The following DLGAP2 variants were observed in gnomAD, a reference collection of about 807,000 sequenced individuals.
DLGAP2 encodes the protein disks large-associated protein 2.
In DLGAP2, 26 loss-of-function variants were observed where a neutral mutation model predicts 100.3. The ratio of observed to expected loss-of-function variants is 0.26; its 90% CI spans 0.19 to 0.36. The LOEUF (loss-of-function observed/expected upper bound fraction) is 0.36. Among genes scored for constraint, DLGAP2 ranks in the 10% least tolerant of loss-of-function variants. The pLI is 1.00. For synonymous variants in DLGAP2, 886 were observed against 630.1 expected (o/e 1.41, Z -6.08); for missense variants, 1,858 against 1,453.2 (o/e 1.28, Z -4.53).
intron 3 of DLGAP2, among the ~76,000 whole-genome samples, chr8:1,313,428 G>T (rs1800657632): frequency 6.6e-6 from 1 of 152,168 alleles, no homozygotes; most frequent in African/African-American, 2.4e-5. Context: ...GTGCCGTTCA[G>T]CTATGCTCTC....
At chr8:1,281,661 G>A (rs890752752) in intron 3 of DLGAP2, among the ~76,000 whole-genome samples, 3 of 152,150 alleles carry the variant, frequency 2.0e-5, no homozygotes, top group Non-Finnish European at 4.4e-5. Flanking sequence ...TACAGCACCA[G>A]TGTTTTTCAT....
intron 3 of DLGAP2, among the ~76,000 whole-genome samples, chr8:1,411,359 A>C (rs114025637): frequency 0.017 from 2,603 of 152,344 alleles, 63 homozygotes; most frequent in African/African-American, 0.059. Context: ...AGGGAATTAT[A>C]ATGTTGATAC....
chr8:1,245,017 G>C (rs1798874769), intron 2 of DLGAP2, among the ~76,000 whole-genome samples: 1 of 152,216 alleles, frequency 6.6e-6, no homozygotes. Context: ...TGACCAGCCA[G>C]GAAATGCAAA....
chr8:1,094,718 C>G (rs941248231), intron 2 of DLGAP2, among the ~76,000 whole-genome samples: 1 of 152,198 alleles, frequency 6.6e-6, no homozygotes, highest in Non-Finnish European at 1.5e-5. Context: ...AGTGGCTGGA[C>G]AAGCTCCGTG....
chr8:1,515,380 A>G (rs1487157015), intron 4 of DLGAP2, among the ~76,000 whole-genome samples: 1 of 152,244 alleles, frequency 6.6e-6, no homozygotes, highest in East Asian at 1.9e-4. Flanking sequence ...ATACACATGC[A>G]CATACATGAA....
chr8:1,165,181 G>A (rs1247571213), intron 2 of DLGAP2, among the ~76,000 whole-genome samples: 11 of 150,032 alleles, frequency 7.3e-5, no homozygotes, highest in East Asian at 2.0e-4. Context: ...AGAGAGGGAG[G>A]GTGGGAGGGA....
chr8:1,533,303 C>A (rs889135671), intron 4 of DLGAP2, among the ~76,000 whole-genome samples: 4 of 151,986 alleles, frequency 2.6e-5, no homozygotes, highest in African/African-American at 9.7e-5. Context: ...TCAAGATCAT[C>A]CTGGCTAACA....
chr8:857,126 G>A (rs1037148248), intron 1 of DLGAP2, among the ~76,000 whole-genome samples: 1 of 152,210 alleles, frequency 6.6e-6, no homozygotes, highest in Non-Finnish European at 1.5e-5. Context: ...GAGAGAGGAT[G>A]CTCTTATCAA....
intron 2 of DLGAP2, among the ~76,000 whole-genome samples, chr8:932,509 A>T (rs1475982660): frequency 6.6e-6 from 1 of 152,256 alleles, no homozygotes; most frequent in Non-Finnish European, 1.5e-5. Context: ...GAGTGGAACA[A>T]TTGGCAAAAT....
chr8:1,280,459 C>T (rs757261825), intron 3 of DLGAP2, among the ~76,000 whole-genome samples: 2 of 152,154 alleles, frequency 1.3e-5, no homozygotes, highest in South Asian at 4.2e-4. Context: ...ATGCCACTAG[C>T]GTTTTTAAAC....
At chr8:788,663 C>T (rs6993029) in intron 1 of DLGAP2, among the ~76,000 whole-genome samples, 18 of 152,286 alleles carry the variant, frequency 1.2e-4, no homozygotes, top group African/African-American at 4.3e-4. Context: ...AAGCCCAGAG[C>T]GGGCAGAAGT....
At chr8:1,145,619 T>G (rs1364866600) in intron 2 of DLGAP2, among the ~76,000 whole-genome samples, 1 of 152,178 alleles carries the variant, frequency 6.6e-6, no homozygotes, top group Non-Finnish European at 1.5e-5. Flanking sequence ...GATGTATTCT[T>G]TTTTTTATTA....
chr8:997,625 A>C (rs1800817918), intron 2 of DLGAP2, among the ~76,000 whole-genome samples: 1 of 152,232 alleles, frequency 6.6e-6, no homozygotes, highest in South Asian at 2.1e-4. Context: ...AATTGACTTG[A>C]AAAATGGAAC....
chr8:1,620,933 T>G (rs1417687897), intron 6 of DLGAP2, among the ~76,000 whole-genome samples: 3 of 152,182 alleles, frequency 2.0e-5, no homozygotes. Flanking sequence ...CAGAATGCCT[T>G]TCCCCCTTTA....
chr8:1,524,385 A>T (rs911428318), intron 4 of DLGAP2, among the ~76,000 whole-genome samples: 1 of 152,174 alleles, frequency 6.6e-6, no homozygotes, highest in Non-Finnish European at 1.5e-5. Flanking sequence ...TGTGAGTCAC[A>T]TTTAGCGTTG....
At chr8:1,194,217 C>T (rs970746304) in intron 2 of DLGAP2, among the ~76,000 whole-genome samples, 1 of 152,212 alleles carries the variant, frequency 6.6e-6, no homozygotes, top group Middle Eastern at 3.4e-3. Flanking sequence ...TGTTCTCAGC[C>T]CGACTCAGGA....
chr8:824,963 G>T (rs956938862), intron 1 of DLGAP2, among the ~76,000 whole-genome samples: 1 of 152,122 alleles, frequency 6.6e-6, no homozygotes, highest in Non-Finnish European at 1.5e-5. Flanking sequence ...GAGAGGGGCC[G>T]CCCCACCTCC....
chr8:1,517,852 G>C (rs1800446722), intron 4 of DLGAP2, among the ~76,000 whole-genome samples: 1 of 152,344 alleles, frequency 6.6e-6, no homozygotes, highest in South Asian at 2.1e-4. Context: ...GTGTGGCCCT[G>C]GGGGCAGGGT....
At chr8:1,059,251 C>G (rs1802978740) in intron 2 of DLGAP2, among the ~76,000 whole-genome samples, 1 of 152,110 alleles carries the variant, frequency 6.6e-6, no homozygotes, top group Non-Finnish European at 1.5e-5. Flanking sequence ...TGCCCACTCA[C>G]CCCTCGGGGT....
Sources: gnomAD v4.1 joint callset for allele counts (sites outside exome capture counted in the v4.1 genomes callset) on GRCh38, gnomAD v4.1.1 for gene constraint, MANE v1.5 for transcripts, NCBI Gene and HGNC (gene_info 2026-07-23, HGNC 2026-07-21) for gene names.